CSMD3: variants seen among roughly 807,000 people sequenced by gnomAD.
CSMD3 encodes the protein CUB and sushi domain-containing protein 3.
In CSMD3, 177 loss-of-function variants were observed where a neutral mutation model predicts 435.2. The observed-to-expected ratio is 0.41, with a 90% CI of 0.36 to 0.46. CSMD3 has a LOEUF of 0.46. Ranked by LOEUF, CSMD3 falls within the 20% of genes least tolerant of loss-of-function variation. The pLI is 0.34. For synonymous variants in CSMD3, 1,656 were observed against 1,520.5 expected (o/e 1.09, Z -2.07); for missense variants, 4,265 against 4,504.6 (o/e 0.95, Z 1.52).
intron 3 of CSMD3, among the ~76,000 whole-genome samples, chr8:113,248,850 C>G (rs1021998603): frequency 1.3e-5 from 2 of 151,590 alleles, no homozygotes; most frequent in African/African-American, 2.4e-5. Flanking sequence ...CTAAAAACAG[C>G]TTAATTTTTT....
At chr8:112,881,730 T>C (rs193161936) in intron 10 of CSMD3, among the ~76,000 whole-genome samples, 6 of 151,930 alleles carry the variant, frequency 3.9e-5, no homozygotes, top group Non-Finnish European at 7.4e-5. Flanking sequence ...TAACAACAAG[T>C]AGAATATTCC....
intron 47 of CSMD3, among the ~76,000 whole-genome samples, chr8:112,318,195 A>G (rs1267117499): frequency 1.3e-5 from 2 of 151,998 alleles, no homozygotes; most frequent in African/African-American, 4.8e-5. Context: ...CCAGAATAAG[A>G]CTCATTGTCA....
chr8:112,599,248 G>A (rs1410374515), intron 22 of CSMD3, among the ~76,000 whole-genome samples: 1 of 150,836 alleles, frequency 6.6e-6, no homozygotes, highest in East Asian at 1.9e-4. Context: ...CATTTATGCA[G>A]CCAAAAAACA....
At chr8:112,754,323 G>A (rs895021708) in intron 13 of CSMD3, among the ~76,000 whole-genome samples, 2 of 152,060 alleles carry the variant, frequency 1.3e-5, no homozygotes, top group Non-Finnish European at 2.9e-5. Flanking sequence ...GTCTCCTTTC[G>A]AAATATACAA....
chr8:112,518,953 T>C (rs149769638), intron 27 of CSMD3, among the ~76,000 whole-genome samples: 141 of 152,066 alleles, frequency 9.3e-4, no homozygotes, highest in African/African-American at 3.4e-3. Flanking sequence ...CACTTTCAAA[T>C]AACCAGATCT....
intron 6 of CSMD3, among the ~76,000 whole-genome samples, chr8:112,987,013 T>C (rs2085279845): frequency 6.6e-6 from 1 of 152,088 alleles, no homozygotes; most frequent in Non-Finnish European, 1.5e-5. Flanking sequence ...TGTATATATC[T>C]ATAACTATGT....
chr8:112,895,325 C>T (rs921094384), intron 10 of CSMD3, among the ~76,000 whole-genome samples: 5 of 151,362 alleles, frequency 3.3e-5, no homozygotes, highest in South Asian at 4.1e-4. Flanking sequence ...TCAGCAATGA[C>T]GGTAAGTGGA....
Position 113,281,945 on chromosome 8 carries a change from C to G in CSMD3, c.402-3241G>C, listed in dbSNP as rs141028817. Reference sequence around the variant, plus strand: ...TTTCTTCATATATGATGCTTAGTTTCGCTGGAAACAAAATTCTTGGCTGAT... The same window carrying G: ...TTTCTTCATATATGATGCTTAGTTTGGCTGGAAACAAAATTCTTGGCTGAT... On this transcript the variant is annotated intron_variant, in intron 2 of 70. Coordinates refer to ENST00000297405, the MANE Select transcript of CSMD3 (RefSeq NM_198123.2). 3.8e-3 allele frequency among the ~76,000 whole-genome samples: 571 copies of G among 151,890 alleles called. 1 individual carries two copies. Among genetic ancestry groups the G allele is most frequent in the African/African-American group, 0.01 (429 of 41,464 alleles).
intron 32 of CSMD3, among the ~76,000 whole-genome samples, chr8:112,444,434 A>C (rs144470141): frequency 2.0e-5 from 3 of 152,352 alleles, no homozygotes; most frequent in African/African-American, 7.2e-5. Context: ...GGTTCAATAT[A>C]GGCTCAGACT....
intron 4 of CSMD3, among the ~76,000 whole-genome samples, chr8:113,131,382 A>G (rs6993675): frequency 0.34 from 52,304 of 151,768 alleles, 9,935 homozygotes; most frequent in East Asian, 0.69. Context: ...ACATGGTGTC[A>G]TGTGTCTGAG....
Position 112,730,184 on chromosome 8 carries a change from TAAAAG to T in CSMD3, c.1973-40139_1973-40135del, listed in dbSNP as rs373025579. Among the ~76,000 whole-genome samples, 74 of 152,134 alleles carry T rather than the reference TAAAAG, an allele frequency of 4.9e-4. No homozygotes were observed. The East Asian group carries it at 0.013, about 27-fold the overall frequency. ...GAAAGACTAAACAAGGATCTAGACT[TAAAAG>T]AGAAGGGAAGGGTGATAAATATTAT... On this transcript the variant is annotated intron_variant, in intron 13 of 70. Coordinates refer to ENST00000297405, the MANE Select transcript of CSMD3 (RefSeq NM_198123.2).
chr8:112,305,087 T>A (rs1249234230), intron 51 of CSMD3, among the ~76,000 whole-genome samples, 172 bp from the exon 52 acceptor site: 2 of 152,176 alleles, frequency 1.3e-5, no homozygotes, highest in Non-Finnish European at 2.9e-5. Flanking sequence ...CCTAGCTATA[T>A]GGTATTGCTG....
intron 13 of CSMD3, among the ~76,000 whole-genome samples, chr8:112,740,977 T>C (rs1222701448): frequency 2.6e-5 from 4 of 151,930 alleles, no homozygotes; most frequent in Non-Finnish European, 5.9e-5. Flanking sequence ...CTCCTTATTC[T>C]TTTCTGACAT....
At chr8:112,814,922 G>A (rs1021485498) in intron 12 of CSMD3, among the ~76,000 whole-genome samples, 1 of 152,034 alleles carries the variant, frequency 6.6e-6, no homozygotes, top group Non-Finnish European at 1.5e-5. Context: ...CATGAGAATT[G>A]TAGTCCTATG....
Position 113,003,985 on chromosome 8 carries a change from AACT to A in CSMD3, c.1030+15079_1030+15081del, listed in dbSNP as rs2085962355. Among the ~76,000 whole-genome samples the A allele has an allele frequency of 3.9e-5, 6 of 152,206 alleles. No individual in the cohort carries two copies. In the South Asian group the frequency reaches 1.2e-3, roughly 32 times the overall value. ...TCCCCCCAAAAAAGTAAACAGTAAA[AACT>A]ACTGTCAGAAATAAATTGTAATGAT... On this transcript the variant is annotated intron_variant, in intron 6 of 70. Transcript: ENST00000297405.
At chr8:112,243,541 C>T (rs1814382759) in intron 65 of CSMD3, among the ~76,000 whole-genome samples, 1 of 152,036 alleles carries the variant, frequency 6.6e-6, no homozygotes, top group Non-Finnish European at 1.5e-5. Flanking sequence ...CCATATCACC[C>T]TGGCTGAGTA....
chr8:113,290,631 T>G (rs1293231526), intron 2 of CSMD3, among the ~76,000 whole-genome samples: 1 of 151,638 alleles, frequency 6.6e-6, no homozygotes, highest in East Asian at 1.9e-4. Context: ...TTAGGTTAAA[T>G]AAAAGTATAA....
chr8:112,232,026 C>A (rs2129904529), intron 68 of CSMD3, among the ~76,000 whole-genome samples: 1 of 152,292 alleles, frequency 6.6e-6, no homozygotes, highest in South Asian at 2.1e-4. Context: ...CTCCCTATCT[C>A]ATTTAGTTGG....
chr8:112,909,482 T>C (rs1049323955), intron 10 of CSMD3, among the ~76,000 whole-genome samples: 1 of 151,740 alleles, frequency 6.6e-6, no homozygotes, highest in African/African-American at 2.4e-5. Context: ...TATCAGTAGA[T>C]AATAACATAC....
Sources: allele counts gnomAD v4.1 joint callset (sites outside exome capture counted in the v4.1 genomes callset), GRCh38; gene constraint gnomAD v4.1.1; transcripts MANE v1.5; gene names NCBI Gene and HGNC (gene_info 2026-07-23, HGNC 2026-07-21).